Variants in TALDO1 observed in about 807,000 individuals in gnomAD.
The protein encoded by TALDO1 is transaldolase 1.
A neutral mutation model predicts 38.1 loss-of-function variants in TALDO1; 29 were observed. That is an observed-to-expected ratio of 0.76 (90% confidence interval 0.57 to 1.04). The LOEUF (loss-of-function observed/expected upper bound fraction) is 1.04. Among genes scored for constraint, TALDO1 ranks in the 50% least tolerant of loss-of-function variants. TALDO1 has a pLI of 0.00. For synonymous variants in TALDO1, 207 were observed against 176.8 expected (o/e 1.17, Z -1.36); for missense variants, 499 against 438.1 (o/e 1.14, Z -1.24).
At position 750,365 on chromosome 11, in the gene TALDO1, G is replaced by A. The variant is rs141966152; in HGVS notation, c.97+2787G>A. On this transcript the variant is annotated intron_variant, in intron 1 of 7. Transcript: ENST00000319006. ...ATAGCCAGGCGTATTGGTGCACACC[G>A]TAGTCCTAGCTACTCAGGAGGCTGA... Among the ~76,000 whole-genome samples, 69 of 152,168 alleles carry A rather than the reference G, an allele frequency of 4.5e-4. 1 individual carries two copies. Among genetic ancestry groups the A allele is most frequent in the African/African-American group, 1.6e-3 (66 of 41,528 alleles).
At chr11:756,108 AGGGGGG>A in intron 2 of TALDO1, 106 bp downstream of exon 2, 3 of 1,467,236 alleles carry the variant, frequency 2.0e-6, no homozygotes, top group African/African-American at 1.4e-5. Context: ...CATGAACTCA[AGGGGGG>A]AAAAAAACCC....
chr11:760,410 T>A, intron 4 of TALDO1, 157 bp downstream of exon 4: 1 of 1,105,528 alleles, frequency 9.0e-7, no homozygotes, highest in Non-Finnish European at 1.3e-6. Flanking sequence ...CATGTCAGCC[T>A]AGATCTGCCC....
chr11:763,459 A>T lies in TALDO1; in HGVS notation c.577A>T (p.Ile193Phe). The change falls in exon 5 of 8, where the codon ATC (isoleucine) becomes TTC (phenylalanine). Residue 193 changes from isoleucine (I) to phenylalanine (F), a missense_variant. Physicochemically the swap from Ile to Phe is conservative, Grantham distance 21 (BLOSUM62 0). Transcript: ENST00000319006. The part of the protein sequence containing the change: ...VTLISPFVGR[I>F]LDWHVANTDK... ...CCTCATCTCCCCATTTGTTGGGCGC[A>T]TCCTTGATTGGCATGTGGCAAACAC... The T allele has an allele frequency of 6.2e-7, 1 of 1,613,210 alleles. No homozygotes were observed. Among genetic ancestry groups the T allele is most frequent in the East Asian group, 2.2e-5 (1 of 44,806 alleles).
At chr11:758,232 G>A (rs185318597) in intron 2 of TALDO1, among the ~76,000 whole-genome samples, 6 of 152,214 alleles carry the variant, frequency 3.9e-5, no homozygotes, top group East Asian at 1.9e-4. Context: ...TGGCAGAGCC[G>A]AGATTGTGCC....
At chr11:761,689 C>T (rs1048454797) in intron 4 of TALDO1, among the ~76,000 whole-genome samples, 1 of 152,210 alleles carries the variant, frequency 6.6e-6, no homozygotes, top group Admixed American at 6.5e-5. Flanking sequence ...CCATCACTGA[C>T]CTGCTCTGAG....
chr11:762,691 A>G (rs1862959396), intron 4 of TALDO1, among the ~76,000 whole-genome samples: 1 of 152,258 alleles, frequency 6.6e-6, no homozygotes, highest in South Asian at 2.1e-4. Context: ...GTCTCATCCC[A>G]TGCCCCAGCC....
intron 4 of TALDO1, among the ~76,000 whole-genome samples, chr11:762,775 G>GC (rs1862960975): frequency 6.6e-6 from 1 of 152,374 alleles, no homozygotes; most frequent in South Asian, 2.1e-4. Context: ...TGGGATTTGG[G>GC]CAAGTGGCCT....
intron 1 of TALDO1, among the ~76,000 whole-genome samples, chr11:751,529 T>C (rs1862751445): frequency 6.6e-6 from 1 of 152,042 alleles, no homozygotes; most frequent in Non-Finnish European, 1.5e-5. Flanking sequence ...GCTGGTGGCT[T>C]ACGCCTGTAA....
intron 1 of TALDO1, among the ~76,000 whole-genome samples, chr11:754,710 G>T (rs570241780): frequency 6.6e-6 from 1 of 152,148 alleles, no homozygotes; most frequent in Non-Finnish European, 1.5e-5. Context: ...GACCTCAGGC[G>T]ATCCACCAGC....
intron 5 of TALDO1, 69 bp from the exon 6 acceptor site, chr11:763,678 G>A: frequency 6.3e-7 from 1 of 1,585,696 alleles, no homozygotes; most frequent in Non-Finnish European, 8.7e-7. Context: ...CAGCCGGCAG[G>A]CACTGGGAGG....
chr11:764,330 CTT>C lies in TALDO1; in HGVS notation c.880_881del (p.Phe294ProfsTer16). On this transcript the variant is annotated frameshift_variant, in exon 7 of 8. Transcript: ENST00000319006. LOFTEE classifies it high-confidence loss of function. The stretch of plus-strand genomic sequence containing the variant: ...GAAAAAATCCACCTGGATGAGAAGT[CTT>C]TCCGTTGGTTGCACAACGAGGACCA... 6.2e-7 allele frequency: 1 copy of C among 1,614,266 alleles called. No individual in the cohort carries two copies. The highest frequency in any genetic ancestry group is 8.5e-7 in the Non-Finnish European group (1 of 1,180,052).
intron 7 of TALDO1, 89 bp downstream of exon 7, chr11:764,522 C>CTT (rs2133583908): frequency 2.6e-6 from 4 of 1,557,204 alleles, no homozygotes; most frequent in Non-Finnish European, 3.5e-6. Context: ...AGAGTTAAAA[C>CTT]TTTGGTGAGA....
chr11:747,673 G>A, intron 1 of TALDO1, 95 bp downstream of exon 1: 2 of 1,121,702 alleles, frequency 1.8e-6, no homozygotes, highest in Non-Finnish European at 2.5e-6. Flanking sequence ...GACGCGGACC[G>A]GGTGGCGGTG....
chr11:763,488 C>G lies in TALDO1; in HGVS notation c.606C>G (p.Asp202Glu). 6.2e-7 allele frequency: 1 copy of G among 1,613,620 alleles called. No homozygotes were observed. The highest frequency in any genetic ancestry group is 1.7e-5 in the Admixed American group (1 of 59,950). The change falls in exon 5 of 8, where the codon GAC (aspartate) becomes GAG (glutamate). Residue 202 changes from aspartate to glutamate, a missense_variant. By Grantham distance (45) the Asp-to-Glu change is conservative. Transcript: ENST00000319006. Reference protein sequence around the residue: ...RILDWHVANTDKKSYEPLEDP... With the variant: ...RILDWHVANTEKKSYEPLEDP... Reference sequence around the variant, plus strand: ...TTGATTGGCATGTGGCAAACACCGACAAGAAATCCTATGAGCCCCTGGAAG... The same window carrying G: ...TTGATTGGCATGTGGCAAACACCGAGAAGAAATCCTATGAGCCCCTGGAAG...
chr11:761,852 G>A (rs549767369), intron 4 of TALDO1, among the ~76,000 whole-genome samples: 46 of 152,180 alleles, frequency 3.0e-4, no homozygotes, highest in African/African-American at 1.1e-3. Flanking sequence ...ATTTCACCAC[G>A]TTCCCCAGGC....
In TALDO1 at chr11:747,470, CTCGGTCTTGCTATG is replaced by C. The variant is rs1564988498; in HGVS notation, c.-8_6del. 1 of 1,576,242 alleles carries C rather than the reference CTCGGTCTTGCTATG, an allele frequency of 6.3e-7. No individual in the cohort carries two copies. The highest frequency in any genetic ancestry group is 2.5e-5 in the East Asian group (1 of 40,620). ...TCGCCGCCGCCGCCGCCGCAGACCC[CTCGGTCTTGCTATG>C]TCGAGCTCACCCGTGAAGCGTCAGA... On this transcript the variant is annotated start_lost and 5_prime_UTR_variant, in exon 1 of 8. Coordinates refer to ENST00000319006, the MANE Select transcript of TALDO1 (RefSeq NM_006755.2).
intron 4 of TALDO1, among the ~76,000 whole-genome samples, chr11:762,022 A>C (rs145956663): frequency 6.6e-6 from 1 of 151,698 alleles, no homozygotes; most frequent in Non-Finnish European, 1.5e-5. Flanking sequence ...CTGGAGTGCA[A>C]TGGTGCTATC....
rs1797106237 is a variant in TALDO1 at position 760,109 on chromosome 11, C to G, written c.330-13C>G. The G allele has an allele frequency of 1.2e-6, 2 of 1,613,770 alleles. No homozygotes were observed. The highest frequency in any genetic ancestry group is 1.7e-6 in the Non-Finnish European group (2 of 1,179,886). On this transcript the variant is annotated splice_polypyrimidine_tract_variant and intron_variant, in intron 3 of 7. Transcript: ENST00000319006. Reference sequence around the variant, plus strand: ...GCGTGATCTGAGGGGATGGGTTCTTCTTGCTCCTACAGGCTCTCCTTTGAT... The same window carrying G: ...GCGTGATCTGAGGGGATGGGTTCTTGTTGCTCCTACAGGCTCTCCTTTGAT...
intron 1 of TALDO1, 43 bp downstream of exon 1, chr11:747,621 A>C (rs756881984): frequency 6.7e-7 from 1 of 1,496,372 alleles, no homozygotes; most frequent in East Asian, 2.6e-5. Flanking sequence ...AGCGCCCTCC[A>C]GAGGCCCCGG....
Sources: allele counts gnomAD v4.1 joint callset (sites outside exome capture counted in the v4.1 genomes callset), GRCh38; gene constraint gnomAD v4.1.1; transcripts MANE v1.5; gene names NCBI Gene and HGNC (gene_info 2026-07-23, HGNC 2026-07-21).